LRRC37A3: variants seen among roughly 807,000 people sequenced by gnomAD.
The protein encoded by LRRC37A3 is leucine-rich repeat-containing protein 37A3.
Under a neutral mutation model 106.2 loss-of-function variants are expected in LRRC37A3, and 25 were observed. The observed-to-expected ratio is 0.24, with a 90% CI of 0.17 to 0.33. The LOEUF (loss-of-function observed/expected upper bound fraction) is 0.33, where lower values mean the gene tolerates loss of function less well. LRRC37A3 is among the 10% of genes least tolerant of loss of function. The probability of loss-of-function intolerance (pLI) is 1.00; values close to 1 mark genes in which losing one functional copy is unlikely to be tolerated. For synonymous variants in LRRC37A3, 305 were observed against 635.8 expected, an observed-to-expected ratio of 0.48 and a Z score of 7.83; for missense variants, 712 against 1,644.9, an observed-to-expected ratio of 0.43 and a Z score of 9.81.
At chr17:64,915,785 A>C (rs1272584563) in intron 2 of LRRC37A3, among the ~76,000 whole-genome samples, 1 of 152,230 alleles carries the variant, frequency 6.6e-6, no homozygotes, top group East Asian at 1.9e-4. Flanking sequence ...AAAATATATA[A>C]AGAATTCTTA....
chr17:64,872,161 A>T (rs1973343050), intron 8 of LRRC37A3, among the ~76,000 whole-genome samples: 1 of 144,464 alleles, frequency 6.9e-6, no homozygotes, highest in Non-Finnish European at 1.5e-5. Context: ...AAAGAGAGAC[A>T]TCCAAAAATT....
chr17:64,885,440 A>G (rs1311545785), intron 8 of LRRC37A3, among the ~76,000 whole-genome samples: 2 of 124,554 alleles, frequency 1.6e-5, no homozygotes, highest in African/African-American at 3.1e-5. Context: ...AGTAGAGATG[A>G]GGTTTTGCCA....
intron 8 of LRRC37A3, among the ~76,000 whole-genome samples, chr17:64,877,203 G>A (rs961102845): frequency 3.3e-5 from 5 of 151,976 alleles, no homozygotes; most frequent in African/African-American, 4.8e-5. Flanking sequence ...CCTGATAAAC[G>A]TGCTGAAACC....
At chr17:64,863,358 A>G (rs1335691728) in intron 10 of LRRC37A3, 1 of 292,604 alleles carries the variant, frequency 3.4e-6, no homozygotes, top group African/African-American at 2.2e-5. Flanking sequence ...AAGTCTGAAT[A>G]AGCCCCCAAC....
intron 8 of LRRC37A3, among the ~76,000 whole-genome samples, chr17:64,879,270 T>G (rs1486637140): frequency 2.0e-5 from 3 of 152,182 alleles, no homozygotes. Context: ...CTATACAACC[T>G]TGAGAATATA....
intron 8 of LRRC37A3, among the ~76,000 whole-genome samples, chr17:64,870,177 G>A (rs1244454949): frequency 2.1e-5 from 3 of 145,620 alleles, no homozygotes; most frequent in African/African-American, 2.6e-5. Context: ...TGCAATCTCC[G>A]CCTCCCAGGT....
Position 64,897,279 on chromosome 17 carries a change from G to C in LRRC37A3, c.-22C>G, listed in dbSNP as rs369143653. 4.3e-6 allele frequency: 7 copies of C among 1,609,806 alleles called. No individual in the cohort carries two copies. Among genetic ancestry groups the C allele is most frequent in the African/African-American group, 4.2e-5 (3 of 72,218 alleles). On this transcript the variant is annotated 5_prime_UTR_variant, in exon 4 of 15. Transcript: ENST00000584306. ...TCATTCTGGCAGCTCCGAGACGCTC[G>C]TGCCCCTTGTAAGCATGAGTCCCGC...
intron 10 of LRRC37A3, among the ~76,000 whole-genome samples, chr17:64,866,608 A>C (rs1276769508): frequency 5.2e-5 from 1 of 19,410 alleles, no homozygotes; most frequent in African/African-American, 3.2e-4. Context: ...ATATATATAT[A>C]TATATATATA....
intron 8 of LRRC37A3, among the ~76,000 whole-genome samples, chr17:64,873,211 TAACA>T (rs1248462072): frequency 1.3e-5 from 2 of 150,208 alleles, no homozygotes; most frequent in African/African-American, 4.9e-5. Context: ...ATTCAATTTT[TAACA>T]AACATTTATG....
At chr17:64,917,825 AGGCGTAGT>A (rs1289174679) in intron 2 of LRRC37A3, among the ~76,000 whole-genome samples, 24 of 145,600 alleles carry the variant, frequency 1.6e-4, no homozygotes, top group Non-Finnish European at 2.6e-4. Context: ...AAAATTCGCC[AGGCGTAGT>A]GGCGGGCGCC....
At chr17:64,913,992 T>G in intron 2 of LRRC37A3, among the ~76,000 whole-genome samples, 1 of 152,214 alleles carries the variant, frequency 6.6e-6, no homozygotes, top group Non-Finnish European at 1.5e-5. Context: ...AACTGAACAT[T>G]GACCTAAACA....
chr17:64,896,614 G>GGT lies in LRRC37A3; in HGVS notation c.642_643dup (p.Pro215HisfsTer7). ...TTCGGGCTCTAGATGGAATTGAGAA[G>GGT]GTCCAACTTGCTCAGAGGGCCCTGG... is the stretch of plus-strand genomic sequence containing the variant. On this transcript the variant is annotated frameshift_variant, in exon 4 of 15. Coordinates refer to ENST00000584306, the MANE Select transcript of LRRC37A3 (RefSeq NM_199340.5). LOFTEE classifies it high-confidence loss of function. 1.3e-6 allele frequency: 2 copies of GGT among 1,488,172 alleles called. No individual in the cohort carries two copies. Among genetic ancestry groups the GGT allele is most frequent in the Non-Finnish European group, 1.8e-6 (2 of 1,095,514 alleles). 92.2% of individuals were successfully genotyped at this position (1,488,172 alleles called of 1,614,324 possible). A position where few individuals can be genotyped will look rare whatever the true frequency, so the allele number is the denominator to read the frequency against.
intron 12 of LRRC37A3, 122 bp from the exon 13 acceptor site, chr17:64,859,005 G>A: frequency 1.4e-6 from 1 of 724,364 alleles, no homozygotes; most frequent in Non-Finnish European, 2.4e-6. Context: ...CCAGGCTGGG[G>A]TACAGTGGTG....
chr17:64,911,221 T>C (rs897060591), intron 2 of LRRC37A3, among the ~76,000 whole-genome samples: 114 of 147,916 alleles, frequency 7.7e-4, no homozygotes, highest in Non-Finnish European at 1.4e-3. Flanking sequence ...GCTCTTTATC[T>C]CTGAAGTTCT....
chr17:64,876,453 A>C (rs1252934303), intron 8 of LRRC37A3, among the ~76,000 whole-genome samples: 3 of 152,210 alleles, frequency 2.0e-5, no homozygotes, highest in African/African-American at 7.2e-5. Context: ...CCAAAGTGCT[A>C]GGATGACAGG....
chr17:64,861,045 A>G, intron 11 of LRRC37A3, 72 bp from the exon 12 acceptor site: 1 of 1,608,726 alleles, frequency 6.2e-7, no homozygotes, highest in Non-Finnish European at 8.5e-7. Flanking sequence ...ATAGCTGTAC[A>G]CTCCAGTCAC....
At chr17:64,915,696 C>T (rs1448315350) in intron 2 of LRRC37A3, among the ~76,000 whole-genome samples, 4 of 152,170 alleles carry the variant, frequency 2.6e-5, no homozygotes, top group African/African-American at 4.8e-5. Flanking sequence ...AAAGAGACAC[C>T]GCTAAGACAA....
chr17:64,871,506 T>G (rs1405423583), intron 8 of LRRC37A3: 1 of 151,920 alleles, frequency 6.6e-6, no homozygotes, highest in Non-Finnish European at 1.5e-5. Context: ...ACATTCTCAC[T>G]CACTGTGTTG....
intron 8 of LRRC37A3, among the ~76,000 whole-genome samples, chr17:64,875,742 T>G (rs2143479108): frequency 6.6e-6 from 1 of 152,170 alleles, no homozygotes; most frequent in African/African-American, 2.4e-5. Context: ...CGAGTAAAGA[T>G]TGTGCCACTG....
Sources: gnomAD v4.1 joint callset for allele counts (sites outside exome capture counted in the v4.1 genomes callset) on GRCh38, gnomAD v4.1.1 for gene constraint, MANE v1.5 for transcripts, NCBI Gene and HGNC (gene_info 2026-07-23, HGNC 2026-07-21) for gene names.